Variants in RPLP1 observed in about 807,000 individuals in gnomAD.
The protein encoded by RPLP1 is large ribosomal subunit protein P1.
Under a neutral mutation model 11.6 loss-of-function variants are expected in RPLP1, and 4 were observed. The ratio of observed to expected loss-of-function variants is 0.34; its 90% CI spans 0.17 to 0.79. The LOEUF is 0.79. Ranked by LOEUF, RPLP1 falls within the 30% of genes least tolerant of loss-of-function variation. The pLI is 0.55. For synonymous variants in RPLP1, 54 were observed against 52.2 expected (o/e 1.03, Z -0.15); for missense variants, 133 against 142.8 (o/e 0.93, Z 0.35).
rs1003169298 is a variant in RPLP1, at chr15:69,453,172, C to G, written c.72+152C>G. On this transcript the variant is annotated intron_variant, in intron 1 of 3. Transcript: ENST00000260379. ...CGCATAGGGCGGGCGCTCCTCGGGG[C>G]TGGGGCCTCTCTCCGGGCAGGTCCT... 11 of 709,152 alleles carry G rather than the reference C, an allele frequency of 1.6e-5. No individual in the cohort carries two copies. The African/African-American group carries it at 2.0e-4, about 13-fold the overall frequency. The allele number at this position is 709,152 out of a possible 1,614,324, so 43.9% of individuals were successfully genotyped here.
chr15:69,453,076 C>G (rs1218194136), intron 1 of RPLP1, 56 bp downstream of exon 1: 2 of 1,460,644 alleles, frequency 1.4e-6, no homozygotes, highest in Admixed American at 3.9e-5. Context: ...ACTTTCGGCT[C>G]TCCATGCGGT....
chr15:69,455,160 T>C lies in RPLP1; in HGVS notation c.148-10T>C, dbSNP rs750290089. The C allele has an allele frequency of 6.4e-6, 10 of 1,562,376 alleles. No individual in the cohort carries two copies. The highest frequency in any genetic ancestry group is 8.6e-6 in the Non-Finnish European group (10 of 1,159,250). ...CTGGGCGTTTACCTATGCATGCACATGTATTGCAGGCCCTGGCCAACGTCA... is the reference window on the plus strand; with the variant it reads ...CTGGGCGTTTACCTATGCATGCACACGTATTGCAGGCCCTGGCCAACGTCA... On this transcript the variant is annotated splice_polypyrimidine_tract_variant and intron_variant, in intron 2 of 3. Transcript: ENST00000260379.
chr15:69,453,171 G>A, intron 1 of RPLP1, 151 bp downstream of exon 1: 1 of 716,902 alleles, frequency 1.4e-6, no homozygotes. Context: ...GCTCCTCGGG[G>A]CTGGGGCCTC....
chr15:69,452,936 A>G lies in RPLP1; in HGVS notation c.-13A>G, dbSNP rs1435704060. 6.4e-7 allele frequency: 1 copy of G among 1,567,412 alleles called. No individual in the cohort carries two copies. Among genetic ancestry groups the G allele is most frequent in the African/African-American group, 1.4e-5 (1 of 73,322 alleles). On this transcript the variant is annotated 5_prime_UTR_variant, in exon 1 of 4. Coordinates refer to ENST00000260379, the MANE Select transcript of RPLP1 (RefSeq NM_001003.3). ...CCGCGTCCGGCAGCGCCAGCCCTAC[A>G]CTCGCCCGCGCCATGGCCTCTGTCT...
rs947441000 is a variant in RPLP1 at position 69,452,847 on chromosome 15, C to T, written c.-102C>T. ...TTTCCTCAGCTGCCGCCAAGGTGCTCGGTCCTTCCGAGGAAGCTAAGGCTG... is the reference window on the plus strand; with the variant it reads ...TTTCCTCAGCTGCCGCCAAGGTGCTTGGTCCTTCCGAGGAAGCTAAGGCTG... On this transcript the variant is annotated 5_prime_UTR_variant, in exon 1 of 4. Transcript: ENST00000260379. The T allele has an allele frequency of 1.2e-5, 13 of 1,101,808 alleles. No individual in the cohort carries two copies. The highest frequency in any genetic ancestry group is 8.0e-5 in the South Asian group (6 of 74,666). 68.3% of individuals were successfully genotyped at this position (1,101,808 alleles called of 1,614,324 possible).
At chr15:69,453,180 T>A in intron 1 of RPLP1, 160 bp downstream of exon 1, 4 of 684,194 alleles carry the variant, frequency 5.8e-6, no homozygotes, top group Non-Finnish European at 9.9e-6. Context: ...GGCTGGGGCC[T>A]CTCTCCGGGC....
intron 1 of RPLP1, 59 bp downstream of exon 1, chr15:69,453,079 C>T: frequency 6.9e-7 from 1 of 1,448,428 alleles, no homozygotes; most frequent in Non-Finnish European, 9.5e-7. Flanking sequence ...TTCGGCTCTC[C>T]ATGCGGTTCC....
At chr15:69,453,118 C>T (rs1178208778) in intron 1 of RPLP1, 98 bp downstream of exon 1, 3 of 1,138,752 alleles carry the variant, frequency 2.6e-6, no homozygotes, top group South Asian at 2.7e-5. Flanking sequence ...CTGAGCACTT[C>T]CGGCCGGGGC....
chr15:69,453,807 C>A, intron 2 of RPLP1, 86 bp downstream of exon 2: 1 of 1,336,096 alleles, frequency 7.5e-7, no homozygotes, highest in Non-Finnish European at 1.1e-6. Flanking sequence ...CCAGCGGTGC[C>A]ATAACGCCCC....
Position 69,455,716 on chromosome 15 carries a change from A to G in RPLP1, c.*209A>G, listed in dbSNP as rs1892426109. Reference sequence around the variant, plus strand: ...TGCTAACAAGAAGGCACCTCATGGTACAGTGTTGAAAACTGCACTGGGGTG... The same window carrying G: ...TGCTAACAAGAAGGCACCTCATGGTGCAGTGTTGAAAACTGCACTGGGGTG... On this transcript the variant is annotated 3_prime_UTR_variant, in exon 4 of 4. Coordinates refer to ENST00000260379, the MANE Select transcript of RPLP1 (RefSeq NM_001003.3). 3.5e-6 allele frequency: 2 copies of G among 571,998 alleles called. No homozygotes were observed. Among genetic ancestry groups the G allele is most frequent in the South Asian group, 4.3e-5 (2 of 46,850 alleles). The allele number at this position is 571,998 out of a possible 1,614,324, so 35.4% of individuals were successfully genotyped here. A position where few individuals can be genotyped will look rare whatever the true frequency, so the allele number is the denominator to read the frequency against.
chr15:69,453,052 G>T (rs774333571), intron 1 of RPLP1, 32 bp downstream of exon 1: 10 of 1,539,774 alleles, frequency 6.5e-6, no homozygotes, highest in South Asian at 1.2e-5. Flanking sequence ...CGGCCGGGCT[G>T]CCTGTGGGCG....
chr15:69,452,918 C>A lies in RPLP1; in HGVS notation c.-31C>A. The A allele has an allele frequency of 2.6e-6, 4 of 1,559,238 alleles. No individual in the cohort carries two copies. Among genetic ancestry groups the A allele is most frequent in the Non-Finnish European group, 2.6e-6 (3 of 1,154,154 alleles). On this transcript the variant is annotated 5_prime_UTR_variant, in exon 1 of 4. Transcript: ENST00000260379. ...TTCATCCGGCGACTAGCACCGCGTC[C>A]GGCAGCGCCAGCCCTACACTCGCCC... is the stretch of plus-strand genomic sequence containing the variant.
Position 69,452,978 on chromosome 15 carries a change from C to T in RPLP1, c.30C>T (p.Ile10=). 6.3e-7 allele frequency: 1 copy of T among 1,579,310 alleles called. No individual in the cohort carries two copies. The highest frequency in any genetic ancestry group is 8.6e-7 in the Non-Finnish European group (1 of 1,164,696). The change falls in exon 1 of 4, where the codon ATC becomes ATT. Residue 10 remains isoleucine, a synonymous_variant. Coordinates refer to ENST00000260379, the MANE Select transcript of RPLP1 (RefSeq NM_001003.3). MASVSELAC[I]YSALILHDDE... ...CCTCTGTCTCCGAGCTCGCCTGCAT[C>T]TACTCGGCCCTCATTCTGCACGACG... is the stretch of plus-strand genomic sequence containing the variant.
In RPLP1 at chr15:69,455,170, G is replaced by T. The variant is rs1892415288; in HGVS notation, c.148G>T (p.Ala50Ser). 7 of 1,580,376 alleles carry T rather than the reference G, an allele frequency of 4.4e-6. No homozygotes were observed. In the East Asian group the frequency reaches 1.6e-4, roughly 35 times the overall value. Reference protein sequence around the residue: ...EPFWPGLFAKALANVNIGSLI... With the variant: ...EPFWPGLFAKSLANVNIGSLI... ...ACCTATGCATGCACATGTATTGCAG[G>T]CCCTGGCCAACGTCAACATTGGGAG... The change falls in exon 3 of 4, where the codon GCC becomes TCC. Residue 50 changes from alanine (A) to serine (S), a missense_variant and splice_region_variant. By Grantham distance (99) the Ala-to-Ser change is moderately conservative. Transcript: ENST00000260379.
Position 69,455,473 on chromosome 15 carries a change from CTGA to C in RPLP1, c.318_320del (p.Asp107del), listed in dbSNP as rs1180557432. ...GCAAAGAAAGAAGAATCCGAGGAGT[CTGA>C]TGATGACATGGGCTTTGGTCTTTTT... On this transcript the variant is annotated inframe_deletion, in exon 4 of 4. Transcript: ENST00000260379. 6.2e-7 allele frequency: 1 copy of C among 1,610,652 alleles called. No homozygotes were observed. The highest frequency in any genetic ancestry group is 8.5e-7 in the Non-Finnish European group (1 of 1,179,624).
chr15:69,452,880 G>A lies in RPLP1; in HGVS notation c.-69G>A, dbSNP rs1028862007. On this transcript the variant is annotated 5_prime_UTR_variant, in exon 1 of 4. It adds an upstream start codon to the 5' untranslated region. Coordinates refer to ENST00000260379, the MANE Select transcript of RPLP1 (RefSeq NM_001003.3). ...CCGAGGAAGCTAAGGCTGCGTTGGG[G>A]TGAGGCCCTCACTTCATCCGGCGAC... 1.4e-5 allele frequency: 20 copies of A among 1,412,430 alleles called. No individual in the cohort carries two copies. The highest frequency in any genetic ancestry group is 1.7e-5 in the Non-Finnish European group (18 of 1,029,172). The allele number at this position is 1,412,430 out of a possible 1,614,324, so 87.5% of individuals were successfully genotyped here.
intron 2 of RPLP1, 77 bp downstream of exon 2, chr15:69,453,798 C>T: frequency 1.4e-6 from 2 of 1,477,904 alleles, no homozygotes; most frequent in Non-Finnish European, 1.9e-6. Flanking sequence ...AAAGTACCCC[C>T]AGCGGTGCCA....
Position 69,452,838 on chromosome 15 carries a change from CA to C in RPLP1, c.-109del. The C allele has an allele frequency of 2.0e-6, 2 of 1,010,754 alleles. No individual in the cohort carries two copies. The highest frequency in any genetic ancestry group is 4.1e-5 in the Admixed American group (2 of 49,380). The allele number at this position is 1,010,754 out of a possible 1,614,324, so 62.6% of individuals were successfully genotyped here. A position where few individuals can be genotyped will look rare whatever the true frequency, so the allele number is the denominator to read the frequency against. On this transcript the variant is annotated 5_prime_UTR_variant, in exon 1 of 4. Transcript: ENST00000260379. ...GAGAGCCCCTTTCCTCAGCTGCCGC[CA>C]AGGTGCTCGGTCCTTCCGAGGAAGC... is the stretch of plus-strand genomic sequence containing the variant.
chr15:69,452,978 C>G lies in RPLP1; in HGVS notation c.30C>G (p.Ile10Met), dbSNP rs1804208. The G allele has an allele frequency of 6.3e-7, 1 of 1,579,192 alleles. No homozygotes were observed. Among genetic ancestry groups the G allele is most frequent in the Non-Finnish European group, 8.6e-7 (1 of 1,164,704 alleles). The change falls in exon 1 of 4, where the codon ATC becomes ATG. Residue 10 changes from isoleucine (I) to methionine (M), a missense_variant. Ile to Met is a conservative substitution (Grantham distance 10, BLOSUM62 1). Transcript: ENST00000260379. MASVSELACIYSALILHDDE... is the reference protein window; with the variant it reads MASVSELACMYSALILHDDE... ...CCTCTGTCTCCGAGCTCGCCTGCATCTACTCGGCCCTCATTCTGCACGACG... is the reference window on the plus strand; with the variant it reads ...CCTCTGTCTCCGAGCTCGCCTGCATGTACTCGGCCCTCATTCTGCACGACG...
Sources: gnomAD v4.1 joint callset for allele counts on GRCh38, gnomAD v4.1.1 for gene constraint, MANE v1.5 for transcripts, NCBI Gene and HGNC (gene_info 2026-07-23, HGNC 2026-07-21) for gene names.